Variants in NRG1 observed in about 807,000 individuals in gnomAD.
NRG1 encodes the protein neuregulin 1.
A neutral mutation model predicts 63.8 loss-of-function variants in NRG1; 18 were observed. The observed-to-expected ratio is 0.28, with a 90% CI of 0.19 to 0.42. NRG1 has a LOEUF of 0.42. Among genes scored for constraint, NRG1 ranks in the 10% least tolerant of loss-of-function variants. The pLI is 1.00. For synonymous variants in NRG1, 302 were observed against 301.3 expected, an observed-to-expected ratio of 1.00 and a Z score of -0.02; for missense variants, 762 against 814.7, an observed-to-expected ratio of 0.94 and a Z score of 0.79.
chr8:32,700,829 C>A (rs1814668768), intron 5 of NRG1, among the ~76,000 whole-genome samples: 1 of 152,072 alleles, frequency 6.6e-6, no homozygotes, highest in African/African-American at 2.4e-5. Flanking sequence ...GCCCTGATTC[C>A]TTTTCATCCC....
rs909650936 is a variant in NRG1, at chr8:32,576,657, G to A, written c.101-19171G>A. Among the ~76,000 whole-genome samples, 9 of 152,176 alleles carry A rather than the reference G, an allele frequency of 5.9e-5. No homozygotes were observed. The South Asian group carries it at 1.2e-3, about 21-fold the overall frequency. On this transcript the variant is annotated intron_variant, in intron 1 of 11. Transcript: ENST00000356819. Reference sequence around the variant, plus strand: ...TGGAGAGGGCTGCCCCTGGCACAGTGTAATATTTATGAGAAAGTTGTGCCC... The same window carrying A: ...TGGAGAGGGCTGCCCCTGGCACAGTATAATATTTATGAGAAAGTTGTGCCC...
At chr8:32,481,041 G>T (rs1825205928) in intron 1 of NRG1, among the ~76,000 whole-genome samples, 1 of 152,052 alleles carries the variant, frequency 6.6e-6, no homozygotes, top group Non-Finnish European at 1.5e-5. Context: ...ATTAAAGAAA[G>T]AAATAATTTT....
chr8:31,853,857 C>G (rs1351707654), intron 1 of NRG1, among the ~76,000 whole-genome samples: 1 of 152,044 alleles, frequency 6.6e-6, no homozygotes, highest in African/African-American at 2.4e-5. Context: ...TTTTCTGCAT[C>G]TATTGAGATA....
intron 1 of NRG1, among the ~76,000 whole-genome samples, chr8:32,431,105 A>T (rs1671061581): frequency 6.6e-6 from 1 of 152,164 alleles, no homozygotes; most frequent in Admixed American, 6.5e-5. Context: ...AGGCTCAGAG[A>T]AGTTAAACAC....
chr8:31,855,237 G>A (rs1423011955), intron 1 of NRG1, among the ~76,000 whole-genome samples: 1 of 152,156 alleles, frequency 6.6e-6, no homozygotes, highest in Non-Finnish European at 1.5e-5. Flanking sequence ...TTAACAATGT[G>A]TGGGAGTCTA....
chr8:32,406,183 C>T (rs1813947119), intron 1 of NRG1, among the ~76,000 whole-genome samples: 1 of 152,152 alleles, frequency 6.6e-6, no homozygotes, highest in African/African-American at 2.4e-5. Context: ...GTGCCCTCAT[C>T]TTAAATATAA....
At chr8:32,633,396 C>T (rs1850698255) in intron 5 of NRG1, among the ~76,000 whole-genome samples, 1 of 152,134 alleles carries the variant, frequency 6.6e-6, no homozygotes. Context: ...CCAGTACCTC[C>T]AAAGGCCTCT....
chr8:32,310,587 G>A (rs1027692736), intron 1 of NRG1, among the ~76,000 whole-genome samples: 2 of 152,190 alleles, frequency 1.3e-5, no homozygotes, highest in Non-Finnish European at 2.9e-5. Flanking sequence ...CTTCCCTCAT[G>A]TCTGGTGACT....
At chr8:32,167,168 A>G (rs7829556) in intron 1 of NRG1, among the ~76,000 whole-genome samples, 5,416 of 152,224 alleles carry the variant, frequency 0.036, 162 homozygotes, top group African/African-American at 0.072. Context: ...AAGTCAAATT[A>G]ATATAAGTTA....
chr8:32,152,549 G>C (rs1440160745), intron 1 of NRG1, among the ~76,000 whole-genome samples: 1 of 152,128 alleles, frequency 6.6e-6, no homozygotes, highest in African/African-American at 2.4e-5. Flanking sequence ...CTTTTAAATA[G>C]TAAATGCCTT....
At chr8:32,772,260 G>T (rs936283629), downstream of NRG1, among the ~76,000 whole-genome samples, 2 of 151,306 alleles carry the variant, frequency 1.3e-5, no homozygotes, top group Admixed American at 1.3e-4. Context: ...TCCTGGGTAT[G>T]AAGCAATTAA....
intron 3 of NRG1, among the ~76,000 whole-genome samples, chr8:32,609,550 CCCT>C (rs1158821194): frequency 4.4e-5 from 6 of 135,054 alleles, no homozygotes; most frequent in South Asian, 4.9e-4. Context: ...TTCCTTCCCT[CCCT>C]CCTTCCTTCC....
intron 5 of NRG1, among the ~76,000 whole-genome samples, chr8:32,634,656 T>C (rs1244535655): frequency 6.6e-6 from 1 of 152,242 alleles, no homozygotes; most frequent in Non-Finnish European, 1.5e-5. Context: ...ATCATCACTT[T>C]TTGTTTTCTT....
chr8:31,719,592 C>G (rs1238054617), intron 1 of NRG1, among the ~76,000 whole-genome samples: 1 of 152,168 alleles, frequency 6.6e-6, no homozygotes, highest in Admixed American at 6.5e-5. Context: ...TTGAAAGCAT[C>G]AAATCGCTGC....
intron 1 of NRG1, among the ~76,000 whole-genome samples, chr8:31,860,418 G>A (rs551686238): frequency 1.3e-5 from 2 of 152,322 alleles, no homozygotes; most frequent in Admixed American, 1.3e-4. Context: ...ATGTTGCATG[G>A]TGGGCATTTA....
intron 1 of NRG1, among the ~76,000 whole-genome samples, chr8:32,174,811 A>C (rs1840509442): frequency 6.6e-6 from 1 of 152,168 alleles, no homozygotes; most frequent in South Asian, 2.1e-4. Flanking sequence ...ATAGACCAAT[A>C]AGAGGCTCTG....
intron 6 of NRG1, among the ~76,000 whole-genome samples, chr8:32,730,753 T>A (rs1045115935): frequency 1.3e-5 from 2 of 152,152 alleles, no homozygotes; most frequent in African/African-American, 4.8e-5. Context: ...CTGATCAAAA[T>A]AGAAAATGCC....
chr8:32,742,127 C>T lies in NRG1; in HGVS notation c.633-548C>T, dbSNP rs1442368303. 6 of 1,399,904 alleles carry T rather than the reference C, an allele frequency of 4.3e-6. No homozygotes were observed. The Admixed American group carries it at 8.4e-5, about 20-fold the overall frequency. 86.7% of individuals were successfully genotyped at this position (1,399,904 alleles called of 1,614,324 possible). A position where few individuals can be genotyped will look rare whatever the true frequency, so the allele number is the denominator to read the frequency against. On this transcript the variant is annotated intron_variant, in intron 6 of 11. Coordinates refer to ENST00000356819, the Ensembl canonical transcript of NRG1. This position sits in a 1 kb window ranked among gnomAD's most constrained non-coding sequence, Gnocchi z 4.2. Reference sequence around the variant, plus strand: ...TTTCTCCCCCAACTACAGCAACAATCACTACCACTTGGTGCTTTTACAGCT... The same window carrying T: ...TTTCTCCCCCAACTACAGCAACAATTACTACCACTTGGTGCTTTTACAGCT...
At chr8:31,787,683 T>C (rs1820308049) in intron 1 of NRG1, among the ~76,000 whole-genome samples, 1 of 152,218 alleles carries the variant, frequency 6.6e-6, no homozygotes. Flanking sequence ...AATTAGAGAA[T>C]AGTCTTCAAT....
Sources: gnomAD v4.1 joint callset for allele counts (sites outside exome capture counted in the v4.1 genomes callset) on GRCh38, gnomAD v4.1.1 for gene constraint, Gnocchi (gnomAD v3.1) non-coding constraint, MANE v1.5 for transcripts, NCBI Gene and HGNC (gene_info 2026-07-23, HGNC 2026-07-21) for gene names.